The following FRY variants were observed in gnomAD, a reference collection of about 807,000 sequenced individuals.
FRY encodes FRY microtubule binding protein.
A neutral mutation model predicts 348.4 loss-of-function variants in FRY; 128 were observed. That is an observed-to-expected ratio of 0.37 (90% CI 0.32 to 0.43). The LOEUF (loss-of-function observed/expected upper bound fraction) is 0.43. Among genes scored for constraint, FRY ranks in the 20% least tolerant of loss-of-function variants. FRY has a pLI of 1.00. For synonymous variants in FRY, 1,370 were observed against 1,374.7 expected (o/e 1.00, Z 0.08); for missense variants, 2,736 against 3,695.2 (o/e 0.74, Z 6.73).
chr13:32,265,686 G>T, intron 54 of FRY, 70 bp downstream of exon 54: 1 of 1,443,340 alleles, frequency 6.9e-7, no homozygotes, highest in Non-Finnish European at 9.6e-7. Context: ...TCACACTCAA[G>T]TTAAGTGTCA....
chr13:32,103,168 C>T (rs971873806), intron 3 of FRY, among the ~76,000 whole-genome samples: 1 of 152,190 alleles, frequency 6.6e-6, no homozygotes, highest in African/African-American at 2.4e-5. Flanking sequence ...GCTCTGTTGC[C>T]AGCCAAGCTA....
chr13:32,051,874 T>A (rs1470268232), intron 1 of FRY, among the ~76,000 whole-genome samples: 3 of 152,220 alleles, frequency 2.0e-5, no homozygotes, highest in Non-Finnish European at 4.4e-5. Flanking sequence ...AGACAATGTG[T>A]GATCAATCAT....
intron 1 of FRY, among the ~76,000 whole-genome samples, chr13:32,035,786 A>G (rs571799047): frequency 6.6e-6 from 1 of 152,378 alleles, no homozygotes; most frequent in East Asian, 1.9e-4. Context: ...TTAGAATTTC[A>G]TTGACAAATG....
chr13:32,192,697 C>G (rs1388847882), intron 28 of FRY, among the ~76,000 whole-genome samples: 1 of 148,130 alleles, frequency 6.8e-6, no homozygotes, highest in African/African-American at 2.5e-5. Flanking sequence ...TTTCAACTGA[C>G]AAGAAGAGTG....
intron 17 of FRY, among the ~76,000 whole-genome samples, chr13:32,166,692 A>T (rs902001633): frequency 6.6e-6 from 1 of 152,080 alleles, no homozygotes; most frequent in Non-Finnish European, 1.5e-5. Flanking sequence ...GCTTCGAGGG[A>T]CAGACACAGG....
chr13:32,152,573 C>A lies in FRY; in HGVS notation c.1479+2739C>A, dbSNP rs1359859431. Reference sequence around the variant, plus strand: ...TAAATGGTGCTGAACAATTGGATATCCACCTGCAAAATACTGAACCTCAGC... The same window carrying A: ...TAAATGGTGCTGAACAATTGGATATACACCTGCAAAATACTGAACCTCAGC... On this transcript the variant is annotated intron_variant, in intron 14 of 60. Transcript: ENST00000542859. Among the ~76,000 whole-genome samples, 4 of 152,050 alleles carry A rather than the reference C, an allele frequency of 2.6e-5. No homozygotes were observed. In the East Asian group the frequency reaches 7.7e-4, roughly 29 times the overall value.
intron 2 of FRY, among the ~76,000 whole-genome samples, 198 bp from the exon 3 acceptor site, chr13:32,101,765 G>A: frequency 6.6e-6 from 1 of 152,170 alleles, no homozygotes; most frequent in East Asian, 1.9e-4. Flanking sequence ...AATAGCAAGA[G>A]TCGTGGCAGT....
At chr13:32,090,475 T>C (rs1876223101) in intron 2 of FRY, among the ~76,000 whole-genome samples, 1 of 148,398 alleles carries the variant, frequency 6.7e-6, no homozygotes, top group African/African-American at 2.5e-5. Flanking sequence ...AAGGGAAGGG[T>C]GGAAGACAGG....
In FRY at chr13:32,135,317, C is replaced by T. The variant is rs189812086; in HGVS notation, c.1077+134C>T. ...CTAAAGCTCCCTCAAAAAGAGGCAG[C>T]ATTTGAAACTGAAGCTGGCTTTTTG... On this transcript the variant is annotated intron_variant, in intron 10 of 60. Transcript: ENST00000542859. 1.9e-4 allele frequency: 129 copies of T among 681,918 alleles called. 1 individual carries two copies. The East Asian group carries it at 3.0e-3, about 16-fold the overall frequency. 42.2% of individuals were successfully genotyped at this position (681,918 alleles called of 1,614,324 possible).
rs1413212732 is a variant in FRY, at chr13:32,209,658, A to G, written c.4349A>G (p.Asn1450Ser). Residue 1450 changes from asparagine to serine, a missense_variant, in exon 33 of 61, where the codon AAC becomes AGC. Coordinates refer to ENST00000542859, the MANE Select transcript of FRY (RefSeq NM_023037.3). Reference sequence around the variant, plus strand: ...TTAGCCAACAATGAGAAATGGAGCAACAACCTGAGGATCACCTTGCAGTTC... The same window carrying G: ...TTAGCCAACAATGAGAAATGGAGCAGCAACCTGAGGATCACCTTGCAGTTC... ...NALANNEKWS[N>S]NLRITLQFLI... is the part of the protein sequence containing the mutation. 2 of 1,614,114 alleles carry G rather than the reference A, an allele frequency of 1.2e-6. No homozygotes were observed. Among genetic ancestry groups the G allele is most frequent in the East Asian group, 4.5e-5 (2 of 44,886 alleles).
At chr13:32,049,485 A>C (rs1873207447) in intron 1 of FRY, among the ~76,000 whole-genome samples, 1 of 152,088 alleles carries the variant, frequency 6.6e-6, no homozygotes, top group Non-Finnish European at 1.5e-5. Context: ...TGTCGGCTGG[A>C]GTGCAGTGGC....
chr13:32,097,272 G>A (rs1178141123), intron 2 of FRY, among the ~76,000 whole-genome samples: 1 of 151,426 alleles, frequency 6.6e-6, no homozygotes, highest in Non-Finnish European at 1.5e-5. Flanking sequence ...ATTTGTCTGA[G>A]TTTTAAGGTC....
chr13:32,240,968 G>C (rs943487743), intron 46 of FRY, among the ~76,000 whole-genome samples: 5 of 152,188 alleles, frequency 3.3e-5, no homozygotes, highest in African/African-American at 9.7e-5. Context: ...TTGCAATACA[G>C]ATCAGTAATG....
intron 29 of FRY, among the ~76,000 whole-genome samples, chr13:32,199,231 A>G (rs1156956519): frequency 6.6e-6 from 1 of 152,212 alleles, no homozygotes; most frequent in Non-Finnish European, 1.5e-5. Context: ...GGCAGTTCCC[A>G]GAGAAGGCTT....
At chr13:32,144,954 A>AG (rs1880309137) in intron 11 of FRY, among the ~76,000 whole-genome samples, 1 of 150,898 alleles carries the variant, frequency 6.6e-6, no homozygotes, top group African/African-American at 2.5e-5. Context: ...TGAAGGCATC[A>AG]GGGAGGAACA....
chr13:32,247,263 A>T (rs1470437321), intron 47 of FRY, 60 bp from the exon 48 acceptor site: 1 of 1,377,840 alleles, frequency 7.3e-7, no homozygotes, highest in Non-Finnish European at 1.0e-6. Flanking sequence ...TCATTCTGAC[A>T]TACATTAGCT....
intron 11 of FRY, among the ~76,000 whole-genome samples, chr13:32,143,693 A>T (rs983533810): frequency 1.7e-4 from 26 of 152,324 alleles, no homozygotes; most frequent in East Asian, 1.2e-3. Context: ...TATATATCTT[A>T]AAAAAGGAAA....
At chr13:32,215,692 C>A (rs1884950265) in intron 35 of FRY, among the ~76,000 whole-genome samples, 1 of 152,174 alleles carries the variant, frequency 6.6e-6, no homozygotes, top group Non-Finnish European at 1.5e-5. Context: ...GCCTCAGCCT[C>A]CCAGGTGACT....
At position 32,175,612 on chromosome 13, in the gene FRY, C is replaced by T; in HGVS notation, c.2401C>T (p.His801Tyr). 6.2e-7 allele frequency: 1 copy of T among 1,601,854 alleles called. No individual in the cohort carries two copies. Residue 801 changes from histidine to tyrosine, a missense_variant, in exon 20 of 61, where the codon CAT (histidine) becomes TAT (tyrosine). By Grantham distance (83) the His-to-Tyr change is moderately conservative. Around this residue, in one of 9 missense-constraint regions of FRY, gnomAD observed 449 missense variants for 576.9 expected, o/e 0.78. Coordinates refer to ENST00000542859, the MANE Select transcript of FRY (RefSeq NM_023037.3). The stretch of plus-strand genomic sequence containing the variant: ...TTCTTCCATTCTAGAAAGTTTTATT[C>T]ATGTAGCAGTTTCGGATTCAGTAAG... ...LSSSILESFI[H>Y]VAVSDSATLP...
Sources: gnomAD v4.1 joint callset for allele counts (sites outside exome capture counted in the v4.1 genomes callset) on GRCh38, gnomAD v4.1.1 for gene constraint, gnomAD v4.1.1 regional missense constraint, MANE v1.5 for transcripts, NCBI Gene and HGNC (gene_info 2026-07-23, HGNC 2026-07-21) for gene names.